The following PAQR5 variants were observed in gnomAD, a reference collection of about 807,000 sequenced individuals.
The protein encoded by PAQR5 is progestin and adipoQ receptor family member 5.
In PAQR5, 20 loss-of-function variants were observed where a neutral mutation model predicts 34.5. That is an observed-to-expected ratio of 0.58 (90% CI 0.41 to 0.84). The LOEUF (loss-of-function observed/expected upper bound fraction) is 0.84. PAQR5 is among the 40% of genes least tolerant of loss of function. PAQR5 has a pLI of 0.00. For missense variants in PAQR5, 378 were observed against 412.7 expected (o/e 0.92, Z 0.73); for synonymous variants, 131 against 155.6 (o/e 0.84, Z 1.18).
rs1555411101 is a variant in PAQR5 at position 69,300,915 on chromosome 15, T to TCC, written c.-277+1859_-277+1860insCC. 3.7e-4 allele frequency among the ~76,000 whole-genome samples: 4 copies of TCC among 10,950 alleles called. 2 individuals are homozygous for TCC. Among genetic ancestry groups the TCC allele is most frequent in the Non-Finnish European group, 1.2e-3 (4 of 3,372 alleles). 7.2% of individuals were successfully genotyped at this position (10,950 alleles called of 152,430 possible). ...TTTCTTCCTTCCTTCCTTCCTTCCT[T>TCC]TCTCTCTCTCTCTCTCTCTCTCTCT... On this transcript the variant is annotated intron_variant, in intron 1 of 8. Coordinates refer to ENST00000395407, the MANE Select transcript of PAQR5 (RefSeq NM_017705.4).
intron 1 of PAQR5, among the ~76,000 whole-genome samples, chr15:69,302,534 G>A (rs943324299): frequency 2.6e-5 from 4 of 152,188 alleles, no homozygotes; most frequent in African/African-American, 9.7e-5. Flanking sequence ...GCAAAGTGAG[G>A]GATGTAGAAG....
intron 2 of PAQR5, among the ~76,000 whole-genome samples, chr15:69,349,665 G>T (rs2140782319): frequency 6.6e-6 from 1 of 151,514 alleles, no homozygotes; most frequent in Admixed American, 6.6e-5. Flanking sequence ...TTTTGAGACG[G>T]AGTTTCACTC....
intron 4 of PAQR5, 80 bp from the exon 5 acceptor site, chr15:69,384,597 G>A (rs1213073130): frequency 3.9e-6 from 3 of 759,792 alleles, no homozygotes; most frequent in African/African-American, 1.8e-5. Context: ...GAAGGTGAGC[G>A]GGTCCTCTGT....
intron 2 of PAQR5, among the ~76,000 whole-genome samples, chr15:69,357,039 G>T (rs2055097994): frequency 6.6e-6 from 1 of 151,906 alleles, no homozygotes; most frequent in African/African-American, 2.4e-5. Context: ...AAAGTGCGTG[G>T]CATCTCCCCA....
rs554424353 is a variant in PAQR5, at chr15:69,377,018, C to T, written c.52-2865C>T. 7.2e-5 allele frequency among the ~76,000 whole-genome samples: 11 copies of T among 152,276 alleles called. No homozygotes were observed. In the East Asian group the frequency reaches 9.6e-4, roughly 13 times the overall value. Reference sequence around the variant, plus strand: ...ACCCAGCCTTCTCCCTGCAGGTCACCGCCCCCACATGTCCAGTGCTCTGAA... The same window carrying T: ...ACCCAGCCTTCTCCCTGCAGGTCACTGCCCCCACATGTCCAGTGCTCTGAA... On this transcript the variant is annotated intron_variant, in intron 3 of 8. Transcript: ENST00000395407.
chr15:69,400,193 G>A (rs1265230160), intron 8 of PAQR5, 78 bp downstream of exon 8: 24 of 1,413,236 alleles, frequency 1.7e-5, no homozygotes, highest in African/African-American at 2.9e-5. Context: ...TCCAGTGCAC[G>A]TAGCTGCAAA....
intron 1 of PAQR5, among the ~76,000 whole-genome samples, chr15:69,310,887 A>T (rs1301113845): frequency 1.3e-5 from 2 of 151,642 alleles, no homozygotes; most frequent in Non-Finnish European, 2.9e-5. Context: ...AAATACAAAA[A>T]AATTAGCCGG....
At chr15:69,363,570 A>G (rs1595896481) in intron 3 of PAQR5, among the ~76,000 whole-genome samples, 1 of 128,418 alleles carries the variant, frequency 7.8e-6, no homozygotes, top group Non-Finnish European at 1.6e-5. Flanking sequence ...TTTTTGAGAC[A>G]GAGTCTTGCT....
intron 3 of PAQR5, among the ~76,000 whole-genome samples, chr15:69,363,122 T>C (rs1346668590): frequency 6.6e-6 from 1 of 152,212 alleles, no homozygotes; most frequent in Non-Finnish European, 1.5e-5. Context: ...GCCAGCTATG[T>C]GACCTGGGCC....
At chr15:69,384,055 G>GGCC (rs2056020225) in intron 4 of PAQR5, among the ~76,000 whole-genome samples, 2 of 127,672 alleles carry the variant, frequency 1.6e-5, no homozygotes, top group Non-Finnish European at 3.4e-5. Context: ...AGGGTGAGTG[G>GGCC]GCCTCTGTGC....
intron 1 of PAQR5, among the ~76,000 whole-genome samples, chr15:69,327,527 G>A (rs2054283116): frequency 6.6e-6 from 1 of 152,088 alleles, no homozygotes; most frequent in South Asian, 2.1e-4. Flanking sequence ...AGAAGTCTCA[G>A]TCTCCCCAGT....
chr15:69,332,442 A>G (rs2054402884), intron 1 of PAQR5, among the ~76,000 whole-genome samples: 2 of 152,102 alleles, frequency 1.3e-5, no homozygotes, highest in Admixed American at 6.6e-5. Context: ...GAGGACAGGA[A>G]TTTTGGGGTT....
chr15:69,400,235 C>T (rs531957255), intron 8 of PAQR5, 120 bp downstream of exon 8: 6 of 980,614 alleles, frequency 6.1e-6, no homozygotes, highest in African/African-American at 1.6e-5. Context: ...GAGGCCAAGG[C>T]GAGTAACATT....
chr15:69,388,938 G>T (rs975836147), intron 5 of PAQR5, among the ~76,000 whole-genome samples: 1 of 152,200 alleles, frequency 6.6e-6, no homozygotes, highest in African/African-American at 2.4e-5. Flanking sequence ...AAGCACACCT[G>T]GCCCCTTTGA....
At chr15:69,335,552 T>TTTTG (rs2054495440) in intron 1 of PAQR5, among the ~76,000 whole-genome samples, 1 of 133,494 alleles carries the variant, frequency 7.5e-6, no homozygotes, top group African/African-American at 2.9e-5. Context: ...GTTTTTTTTT[T>TTTTG]TTTTTTTTTT....
rs920189018 is a variant in PAQR5, at chr15:69,380,052, C to G, written c.179+42C>G. 7 of 1,605,234 alleles carry G rather than the reference C, an allele frequency of 4.4e-6. No homozygotes were observed. In the African/African-American group the frequency reaches 6.7e-5, roughly 15 times the overall value. On this transcript the variant is annotated intron_variant, in intron 4 of 8. Transcript: ENST00000395407. ...TCGACCGGCCTGTCTCCTTCAGGAG[C>G]CCTGGAGACCAGGGTGTCTTAAAAC... is the stretch of plus-strand genomic sequence containing the variant.
intron 1 of PAQR5, among the ~76,000 whole-genome samples, chr15:69,310,919 GTCC>G (rs1420318675): frequency 6.6e-6 from 1 of 150,990 alleles, no homozygotes; most frequent in East Asian, 2.0e-4. Context: ...GGCGCCTGTA[GTCC>G]CAGCTACTCG....
At chr15:69,375,146 G>A (rs1461113838) in intron 3 of PAQR5, among the ~76,000 whole-genome samples, 2 of 152,170 alleles carry the variant, frequency 1.3e-5, no homozygotes, top group African/African-American at 4.8e-5. Flanking sequence ...TTATTTTCTC[G>A]CAGTTCCGGA....
chr15:69,332,087 G>A (rs917301269), intron 1 of PAQR5, among the ~76,000 whole-genome samples: 4 of 152,190 alleles, frequency 2.6e-5, no homozygotes, highest in African/African-American at 9.7e-5. Context: ...CTCTTTCTCT[G>A]TCTGGGTAAA....
Sources: allele counts gnomAD v4.1 joint callset (sites outside exome capture counted in the v4.1 genomes callset), GRCh38; gene constraint gnomAD v4.1.1; transcripts MANE v1.5; gene names NCBI Gene and HGNC (gene_info 2026-07-23, HGNC 2026-07-21).